NTRK2: variants seen among roughly 807,000 people sequenced by gnomAD.
The protein encoded by NTRK2 is BDNF/NT-3 growth factors receptor.
Under a neutral mutation model 94.5 loss-of-function variants are expected in NTRK2, and 13 were observed. That is an observed-to-expected ratio of 0.14 (90% CI 0.09 to 0.22). NTRK2 has a LOEUF of 0.22. NTRK2 is among the 10% of genes least tolerant of loss of function. The pLI is 1.00. For synonymous variants in NTRK2, 372 were observed against 407.4 expected (o/e 0.91, Z 1.05); for missense variants, 639 against 1,071.2 (o/e 0.60, Z 5.63).
At chr9:85,016,425 T>A (rs948887616) in intron 17 of NTRK2, among the ~76,000 whole-genome samples, 2 of 152,204 alleles carry the variant, frequency 1.3e-5, no homozygotes, top group African/African-American at 4.8e-5. Flanking sequence ...GGAGAGCCCC[T>A]GAGGCCCCAC....
intron 16 of NTRK2, among the ~76,000 whole-genome samples, chr9:84,951,262 G>A (rs2078772535): frequency 6.6e-6 from 1 of 152,178 alleles, no homozygotes; most frequent in East Asian, 1.9e-4. Context: ...CAATCTTGAT[G>A]CATTATCCTA....
chr9:84,982,010 A>G (rs1351713911), intron 17 of NTRK2, among the ~76,000 whole-genome samples: 1 of 152,266 alleles, frequency 6.6e-6, no homozygotes, highest in Non-Finnish European at 1.5e-5. Flanking sequence ...TTGTTACTGC[A>G]TAAGCATTCT....
In NTRK2 at chr9:84,918,718, G is replaced by A. The variant is rs12336818; in HGVS notation, c.1634-15444G>A. 3.4e-3 allele frequency among the ~76,000 whole-genome samples: 518 copies of A among 152,314 alleles called. 3 individuals carry two copies. The highest frequency in any genetic ancestry group is 6.6e-3 in the African/African-American group (276 of 41,568). On this transcript the variant is annotated intron_variant, in intron 14 of 18. Coordinates refer to ENST00000277120, the MANE Select transcript of NTRK2 (RefSeq NM_006180.6). ...TTTATGTTCCTGAGAGTCATGTTGC[G>A]TATGGTAGCCGAGTGAATAATTCTT...
intron 12 of NTRK2, among the ~76,000 whole-genome samples, chr9:84,818,911 G>A (rs2072602304): frequency 6.6e-6 from 1 of 152,198 alleles, no homozygotes; most frequent in South Asian, 2.1e-4. Context: ...AGGCAGAGCA[G>A]CGTCGGAGCT....
At chr9:84,808,474 A>G (rs1382666533) in intron 12 of NTRK2, among the ~76,000 whole-genome samples, 4 of 152,188 alleles carry the variant, frequency 2.6e-5, no homozygotes. Flanking sequence ...TTTTATTGAC[A>G]AAGTTGACAT....
chr9:84,702,490 C>T, intron 4 of NTRK2, 71 bp downstream of exon 4: 1 of 1,334,106 alleles, frequency 7.5e-7, no homozygotes. Context: ...TGTTTATTTT[C>T]CTTCTTTTCC....
intron 17 of NTRK2, among the ~76,000 whole-genome samples, chr9:84,973,543 A>G (rs1230685739): frequency 6.6e-6 from 1 of 152,222 alleles, no homozygotes; most frequent in Non-Finnish European, 1.5e-5. Context: ...AATAAAACAC[A>G]AGGTTGACCT....
At chr9:84,758,294 G>T (rs1451245932) in intron 12 of NTRK2, among the ~76,000 whole-genome samples, 2 of 151,870 alleles carry the variant, frequency 1.3e-5, no homozygotes, top group African/African-American at 2.4e-5. Context: ...GATCTTTCCT[G>T]CTCTAAGGTG....
intron 2 of NTRK2, among the ~76,000 whole-genome samples, chr9:84,673,366 G>A (rs2058822821): frequency 6.6e-6 from 1 of 152,146 alleles, no homozygotes; most frequent in Admixed American, 6.5e-5. Context: ...GTGGATACCA[G>A]CTACAGTTGG....
chr9:84,819,923 G>A (rs546612317), intron 12 of NTRK2, among the ~76,000 whole-genome samples: 151 of 152,216 alleles, frequency 9.9e-4, no homozygotes, highest in African/African-American at 3.1e-3. Context: ...ACCATATGGG[G>A]TGAGTTATTT....
In NTRK2 at chr9:84,915,019, ATTAG is replaced by A. The variant is rs1476370603; in HGVS notation, c.1634-19138_1634-19135del. Among the ~76,000 whole-genome samples, 4 of 152,156 alleles carry A rather than the reference ATTAG, an allele frequency of 2.6e-5. No homozygotes were observed. The East Asian group carries it at 7.7e-4, about 29-fold the overall frequency. The stretch of plus-strand genomic sequence containing the variant: ...ACTGTTCTACCTCGGATAATCAGGC[ATTAG>A]TTAGAGTCTCATAAGGAGTGCACAA... On this transcript the variant is annotated intron_variant, in intron 14 of 18. Coordinates refer to ENST00000277120, the MANE Select transcript of NTRK2 (RefSeq NM_006180.6).
chr9:84,771,291 A>G (rs2066520796), intron 12 of NTRK2, among the ~76,000 whole-genome samples: 1 of 152,194 alleles, frequency 6.6e-6, no homozygotes, highest in African/African-American at 2.4e-5. Flanking sequence ...CGGTCCTGTG[A>G]CTATAGTGTA....
intron 14 of NTRK2, among the ~76,000 whole-genome samples, chr9:84,918,135 AG>A (rs1382058713): frequency 2.0e-5 from 3 of 152,224 alleles, no homozygotes; most frequent in Non-Finnish European, 4.4e-5. Context: ...AGCAACAGAA[AG>A]GCACAGTTTT....
intron 17 of NTRK2, among the ~76,000 whole-genome samples, chr9:84,988,482 A>G (rs1317670496): frequency 2.0e-5 from 3 of 152,204 alleles, no homozygotes; most frequent in African/African-American, 7.2e-5. Flanking sequence ...ACACTCATTC[A>G]TACACTCATT....
intron 17 of NTRK2, among the ~76,000 whole-genome samples, chr9:84,984,111 C>T (rs1827994087): frequency 6.6e-6 from 1 of 152,292 alleles, no homozygotes; most frequent in Admixed American, 6.5e-5. Context: ...TGATGATTAG[C>T]CTTTATATTC....
chr9:84,942,608 G>A (rs1193894161), intron 15 of NTRK2, among the ~76,000 whole-genome samples: 2 of 152,026 alleles, frequency 1.3e-5, no homozygotes, highest in African/African-American at 4.8e-5. Flanking sequence ...GAACTTCTTA[G>A]TATGCATATT....
chr9:84,751,225 C>T (rs1342864814), intron 11 of NTRK2, among the ~76,000 whole-genome samples: 6 of 152,146 alleles, frequency 3.9e-5, no homozygotes, highest in African/African-American at 1.4e-4. Context: ...GGACAATTTT[C>T]AAACATGCAC....
At chr9:84,827,901 C>T (rs2073290034) in intron 12 of NTRK2, among the ~76,000 whole-genome samples, 1 of 152,204 alleles carries the variant, frequency 6.6e-6, no homozygotes, top group Non-Finnish European at 1.5e-5. Context: ...TCCAGAAAGG[C>T]TCTGAGCATT....
chr9:84,845,250 T>TATACAC lies in NTRK2; in HGVS notation c.1397-15789_1397-15788insTACACA, dbSNP rs374265197. 4.4e-3 allele frequency among the ~76,000 whole-genome samples: 647 copies of TATACAC among 148,008 alleles called. 4 individuals are homozygous for TATACAC. Among genetic ancestry groups the TATACAC allele is most frequent in the African/African-American group, 0.016 (627 of 39,960 alleles). ...AGTGGATAAAGAAAAATGTGGTGTA[T>TATACAC]ACACACACACACACACACACACACA... is the stretch of plus-strand genomic sequence containing the variant. On this transcript the variant is annotated intron_variant, in intron 12 of 18. Transcript: ENST00000277120.
Sources: gnomAD v4.1 joint callset for allele counts (sites outside exome capture counted in the v4.1 genomes callset) on GRCh38, gnomAD v4.1.1 for gene constraint, MANE v1.5 for transcripts, NCBI Gene and HGNC (gene_info 2026-07-23, HGNC 2026-07-21) for gene names.